Variants in GTF2F2 observed in about 807,000 individuals in gnomAD.
GTF2F2 encodes general transcription factor IIF subunit 2.
Under a neutral mutation model 42.2 loss-of-function variants are expected in GTF2F2, and 23 were observed. The observed-to-expected ratio is 0.55, with a 90% CI of 0.39 to 0.77. The LOEUF (loss-of-function observed/expected upper bound fraction) is 0.77, where lower values mean the gene tolerates loss of function less well. GTF2F2 is among the 30% of genes least tolerant of loss of function. The probability of loss-of-function intolerance (pLI) is 0.00; values close to 1 mark genes in which losing one functional copy is unlikely to be tolerated. For missense variants in GTF2F2, 261 were observed against 287.2 expected, an observed-to-expected ratio of 0.91 and a Z score of 0.66; for synonymous variants, 105 against 100.8, an observed-to-expected ratio of 1.04 and a Z score of -0.25.
chr13:45,158,673 T>A (rs1051066295), intron 4 of GTF2F2, among the ~76,000 whole-genome samples: 3 of 152,210 alleles, frequency 2.0e-5, no homozygotes, highest in African/African-American at 7.2e-5. Context: ...TCATTTAGAC[T>A]TGTATGGCAG....
At chr13:45,184,356 G>A (rs1007825864) in intron 4 of GTF2F2, among the ~76,000 whole-genome samples, 1 of 151,634 alleles carries the variant, frequency 6.6e-6, no homozygotes, top group Admixed American at 6.6e-5. Flanking sequence ...CATGGGTGGC[G>A]TTGATTGGTG....
intron 4 of GTF2F2, chr13:45,193,757 T>G (rs1165943119): frequency 3.9e-6 from 6 of 1,540,768 alleles, no homozygotes; most frequent in Non-Finnish European, 5.2e-6. Flanking sequence ...GCTGGCTGCA[T>G]GCTTGTTGCC....
At chr13:45,257,694 T>C (rs555614055) in intron 6 of GTF2F2, among the ~76,000 whole-genome samples, 1 of 152,266 alleles carries the variant, frequency 6.6e-6, no homozygotes, top group African/African-American at 2.4e-5. Context: ...ATTTATATTA[T>C]TATAAAACTT....
At chr13:45,214,845 A>G (rs1016148648) in intron 5 of GTF2F2, among the ~76,000 whole-genome samples, 3 of 151,874 alleles carry the variant, frequency 2.0e-5, no homozygotes, top group Non-Finnish European at 4.4e-5. Flanking sequence ...TCATCCTAAC[A>G]TATTTTCTTA....
intron 1 of GTF2F2, among the ~76,000 whole-genome samples, chr13:45,121,194 A>G (rs1375223407): frequency 6.6e-6 from 1 of 152,210 alleles, no homozygotes; most frequent in Non-Finnish European, 1.5e-5. Context: ...TGAAGCTCTC[A>G]AAAGAGGCGA....
intron 7 of GTF2F2, among the ~76,000 whole-genome samples, chr13:45,280,125 C>T (rs931755868): frequency 6.6e-6 from 1 of 152,100 alleles, no homozygotes; most frequent in East Asian, 1.9e-4. Context: ...AGGAGATAAA[C>T]GTTACAAGGA....
intron 4 of GTF2F2, among the ~76,000 whole-genome samples, chr13:45,190,545 T>C (rs1311314203): frequency 2.0e-5 from 3 of 152,206 alleles, no homozygotes; most frequent in Non-Finnish European, 4.4e-5. Flanking sequence ...GCAGGTTACT[T>C]AACCCCCTAA....
At chr13:45,124,689 C>T (rs575328617) in intron 1 of GTF2F2, among the ~76,000 whole-genome samples, 8 of 152,244 alleles carry the variant, frequency 5.3e-5, no homozygotes, top group Non-Finnish European at 1.0e-4. Context: ...CTCAGCCTCC[C>T]GAATAGCTGG....
chr13:45,161,841 C>G (rs1030840525), intron 4 of GTF2F2, among the ~76,000 whole-genome samples: 2 of 152,076 alleles, frequency 1.3e-5, no homozygotes, highest in African/African-American at 2.4e-5. Context: ...GAAACTCTGT[C>G]TCAAAAAGAA....
chr13:45,162,309 C>T (rs181003181), intron 4 of GTF2F2, among the ~76,000 whole-genome samples: 146 of 152,314 alleles, frequency 9.6e-4, no homozygotes, highest in African/African-American at 3.3e-3. Context: ...TTCTTTCTCA[C>T]TCCGCTAGTA....
chr13:45,245,223 GATGT>G (rs1288428108), intron 5 of GTF2F2, among the ~76,000 whole-genome samples: 2 of 152,132 alleles, frequency 1.3e-5, no homozygotes, highest in African/African-American at 4.8e-5. Flanking sequence ...GTTTTACAGA[GATGT>G]AGTCTGTCTA....
At chr13:45,237,583 C>G (rs1875055210) in intron 5 of GTF2F2, among the ~76,000 whole-genome samples, 1 of 152,116 alleles carries the variant, frequency 6.6e-6, no homozygotes, top group African/African-American at 2.4e-5. Flanking sequence ...TTATAATTCT[C>G]ATTGTTTTCC....
chr13:45,139,714 G>A (rs186638215), intron 2 of GTF2F2, among the ~76,000 whole-genome samples: 160 of 152,034 alleles, frequency 1.1e-3, no homozygotes, highest in Admixed American at 3.1e-3. Flanking sequence ...TGTTCATATC[G>A]CCTACTAAAG....
intron 5 of GTF2F2, among the ~76,000 whole-genome samples, chr13:45,236,490 TACACACACACACACACACACAC>T (rs3047056): frequency 1.4e-5 from 2 of 142,036 alleles, no homozygotes; most frequent in African/African-American, 5.0e-5. Context: ...CCGCCACACA[TACACACACACACACACACACAC>T]ACACACACAC....
intron 4 of GTF2F2, chr13:45,193,955 C>A: frequency 6.2e-7 from 1 of 1,614,080 alleles, no homozygotes; most frequent in Non-Finnish European, 8.5e-7. Flanking sequence ...AGTCGAGTGC[C>A]ATTTTCAGAC....
chr13:45,207,819 A>G (rs957798888), intron 5 of GTF2F2, among the ~76,000 whole-genome samples: 1 of 151,970 alleles, frequency 6.6e-6, no homozygotes, highest in African/African-American at 2.4e-5. Flanking sequence ...GTAATATTTT[A>G]TTTTCCAGGG....
chr13:45,196,892 G>A (rs571134689), intron 4 of GTF2F2, among the ~76,000 whole-genome samples: 1 of 152,172 alleles, frequency 6.6e-6, no homozygotes, highest in Admixed American at 6.5e-5. Flanking sequence ...TCACCCCAGG[G>A]CCACCTTACA....
chr13:45,218,424 T>C (rs1873976498), intron 5 of GTF2F2, among the ~76,000 whole-genome samples: 1 of 152,234 alleles, frequency 6.6e-6, no homozygotes, highest in Non-Finnish European at 1.5e-5. Flanking sequence ...AAGAAATTAC[T>C]GCCATCTGTC....
At chr13:45,244,644 A>G (rs1197983857) in intron 5 of GTF2F2, among the ~76,000 whole-genome samples, 1 of 152,216 alleles carries the variant, frequency 6.6e-6, no homozygotes, top group Non-Finnish European at 1.5e-5. Flanking sequence ...GACCAAGGTT[A>G]TACAATGATA....
Sources: allele counts gnomAD v4.1 joint callset (sites outside exome capture counted in the v4.1 genomes callset), GRCh38; gene constraint gnomAD v4.1.1; transcripts MANE v1.5; gene names NCBI Gene and HGNC (gene_info 2026-07-23, HGNC 2026-07-21).